RSRC1: variants seen among roughly 807,000 people sequenced by gnomAD.
The protein encoded by RSRC1 is arginine and serine rich coiled-coil 1.
RSRC1 carries 39 observed loss-of-function variants against 49.1 expected under a neutral mutation model. The ratio of observed to expected loss-of-function variants is 0.79; its 90% CI spans 0.61 to 1.04. The LOEUF (loss-of-function observed/expected upper bound fraction) is 1.04, where lower values mean the gene tolerates loss of function less well. RSRC1 is among the 50% of genes least tolerant of loss of function. The probability of loss-of-function intolerance (pLI) is 0.00; values close to 1 mark genes in which losing one functional copy is unlikely to be tolerated. For synonymous variants in RSRC1, 143 were observed against 130.8 expected (o/e 1.09, Z -0.63); for missense variants, 388 against 402.4 (o/e 0.96, Z 0.31).
chr3:158,166,056 G>T (rs1718509751), intron 3 of RSRC1, among the ~76,000 whole-genome samples: 1 of 152,136 alleles, frequency 6.6e-6, no homozygotes, highest in Non-Finnish European at 1.5e-5. Flanking sequence ...GTAGTTAGAA[G>T]CATCTATATC....
In RSRC1 at chr3:158,271,608, C is replaced by G. The variant is rs920702976; in HGVS notation, c.495-26431C>G. Among the ~76,000 whole-genome samples the G allele has an allele frequency of 1.4e-4, 21 of 151,938 alleles. No individual in the cohort carries two copies. The South Asian group carries it at 2.5e-3, about 18-fold the overall frequency. On this transcript the variant is annotated intron_variant, in intron 4 of 9. Coordinates refer to ENST00000611884, the MANE Select transcript of RSRC1 (RefSeq NM_001271838.2). ...TAAATATATAGTTTCAATATTTTTG[C>G]AAAAATAATTATATAGCTATCTTAC...
At chr3:158,371,273 C>G (rs1428170612) in intron 6 of RSRC1, among the ~76,000 whole-genome samples, 1 of 151,574 alleles carries the variant, frequency 6.6e-6, no homozygotes, top group Non-Finnish European at 1.5e-5. Flanking sequence ...CAAAATGCAC[C>G]TTTTTTAGTG....
At chr3:158,291,931 A>T (rs936715225) in intron 4 of RSRC1, among the ~76,000 whole-genome samples, 1 of 152,256 alleles carries the variant, frequency 6.6e-6, no homozygotes, top group Non-Finnish European at 1.5e-5. Context: ...TTTTAGACGT[A>T]GAGTATATTT....
intron 6 of RSRC1, among the ~76,000 whole-genome samples, chr3:158,367,408 C>T (rs996050544): frequency 6.6e-6 from 1 of 152,062 alleles, no homozygotes; most frequent in Non-Finnish European, 1.5e-5. Flanking sequence ...TGGTTTTTGT[C>T]GCTGGTTCTG....
intron 7 of RSRC1, among the ~76,000 whole-genome samples, chr3:158,518,863 T>C (rs541486430): frequency 1.3e-5 from 2 of 152,328 alleles, no homozygotes; most frequent in South Asian, 4.1e-4. Context: ...TTCTTCTTGA[T>C]TTCCAAGTGT....
chr3:158,288,843 C>G (rs1160582130), intron 4 of RSRC1, among the ~76,000 whole-genome samples: 1 of 99,772 alleles, frequency 1.0e-5, no homozygotes, highest in African/African-American at 4.0e-5. Flanking sequence ...CCGCCCCCCC[C>G]CCCCCCAAAT....
chr3:158,260,968 G>C (rs762422355), intron 4 of RSRC1, among the ~76,000 whole-genome samples: 2 of 152,178 alleles, frequency 1.3e-5, no homozygotes, highest in Admixed American at 6.5e-5. Context: ...GGTGATTCAA[G>C]ATGATTTTCC....
chr3:158,207,637 TTAGA>T (rs1553769118), intron 4 of RSRC1, among the ~76,000 whole-genome samples: 12 of 147,132 alleles, frequency 8.2e-5, no homozygotes, highest in South Asian at 2.2e-4. Flanking sequence ...GTAACAGTAT[TTAGA>T]TAGATAGATA....
At chr3:158,507,505 A>T (rs886741464) in intron 7 of RSRC1, among the ~76,000 whole-genome samples, 1 of 152,164 alleles carries the variant, frequency 6.6e-6, no homozygotes. Context: ...AATATGTACA[A>T]CTATTATATA....
At chr3:158,232,545 G>A (rs1050251628) in intron 4 of RSRC1, among the ~76,000 whole-genome samples, 1 of 152,130 alleles carries the variant, frequency 6.6e-6, no homozygotes, top group Non-Finnish European at 1.5e-5. Flanking sequence ...CTATAAACAA[G>A]TATATAGAAC....
intron 4 of RSRC1, among the ~76,000 whole-genome samples, chr3:158,255,818 A>G (rs540400814): frequency 1.3e-5 from 2 of 152,252 alleles, no homozygotes; most frequent in African/African-American, 2.4e-5. Flanking sequence ...CTTTGTAGCA[A>G]TTGTGAATGG....
At chr3:158,404,939 T>C (rs568076093) in intron 6 of RSRC1, among the ~76,000 whole-genome samples, 1 of 152,102 alleles carries the variant, frequency 6.6e-6, no homozygotes, top group South Asian at 2.1e-4. Context: ...GTAATGGTTT[T>C]CAAGGAGTAA....
chr3:158,470,353 C>T (rs1207642924), intron 7 of RSRC1, among the ~76,000 whole-genome samples: 46 of 120,100 alleles, frequency 3.8e-4, no homozygotes, highest in African/African-American at 1.3e-3. Flanking sequence ...CACACACACA[C>T]ACACACACAT....
At chr3:158,210,514 A>G (rs928951234) in intron 4 of RSRC1, among the ~76,000 whole-genome samples, 1 of 150,264 alleles carries the variant, frequency 6.7e-6, no homozygotes, top group Admixed American at 6.6e-5. Flanking sequence ...CAATTTTGTT[A>G]AGCAGGTAAA....
At chr3:158,210,166 T>C (rs1721589268) in intron 4 of RSRC1, among the ~76,000 whole-genome samples, 1 of 152,094 alleles carries the variant, frequency 6.6e-6, no homozygotes, top group Admixed American at 6.6e-5. Context: ...ATATAGGTTA[T>C]AGAGTTCTGT....
chr3:158,257,464 T>C (rs1323797859), intron 4 of RSRC1, among the ~76,000 whole-genome samples: 1 of 152,200 alleles, frequency 6.6e-6, no homozygotes, highest in Non-Finnish European at 1.5e-5. Context: ...TTATTCCTGC[T>C]CTTTTTTGTT....
chr3:158,489,543 TGTA>T (rs1738978803), intron 7 of RSRC1, among the ~76,000 whole-genome samples: 1 of 152,206 alleles, frequency 6.6e-6, no homozygotes, highest in African/African-American at 2.4e-5. Flanking sequence ...AAAATAAAGT[TGTA>T]GTTTATTTTT....
intron 7 of RSRC1, among the ~76,000 whole-genome samples, chr3:158,511,779 C>A (rs1740195368): frequency 6.6e-6 from 1 of 152,016 alleles, no homozygotes; most frequent in Non-Finnish European, 1.5e-5. Context: ...TCCTCTCCAG[C>A]ACCTGTTGTT....
chr3:158,220,132 A>C (rs565626043), intron 4 of RSRC1, among the ~76,000 whole-genome samples: 2 of 151,634 alleles, frequency 1.3e-5, no homozygotes, highest in Admixed American at 6.6e-5. Flanking sequence ...ATATGTTTGC[A>C]TGAAGATTAA....
Sources: allele counts gnomAD v4.1 joint callset (sites outside exome capture counted in the v4.1 genomes callset), GRCh38; gene constraint gnomAD v4.1.1; transcripts MANE v1.5; gene names NCBI Gene and HGNC (gene_info 2026-07-23, HGNC 2026-07-21).